Variants in IL1R1 observed in about 807,000 individuals in gnomAD.
IL1R1 encodes interleukin-1 receptor type 1.
Under a neutral mutation model 50.2 loss-of-function variants are expected in IL1R1, and 22 were observed. The ratio of observed to expected loss-of-function variants is 0.44; its 90% CI spans 0.31 to 0.63. The LOEUF is 0.63. Ranked by LOEUF, IL1R1 falls within the 20% of genes least tolerant of loss-of-function variation. IL1R1 has a pLI of 0.07. For missense variants in IL1R1, 509 were observed against 676.2 expected, an observed-to-expected ratio of 0.75 and a Z score of 2.74; for synonymous variants, 251 against 236.7, an observed-to-expected ratio of 1.06 and a Z score of -0.55.
intron 1 of IL1R1, among the ~76,000 whole-genome samples, chr2:102,071,878 C>T (rs1380154542): frequency 1.3e-5 from 2 of 152,212 alleles, no homozygotes; most frequent in African/African-American, 4.8e-5. Flanking sequence ...GGGCCATCTT[C>T]CGAGGAAGCA....
Position 102,179,289 on chromosome 2 carries a change from A to T in IL1R1, c.*2530A>T, listed in dbSNP as rs375930835. 6.6e-6 allele frequency: 1 copy of T among 152,490 alleles called. No individual in the cohort carries two copies. Among genetic ancestry groups the T allele is most frequent in the East Asian group, 1.9e-4 (1 of 5,318 alleles). 9.4% of individuals were successfully genotyped at this position (152,490 alleles called of 1,614,324 possible). On this transcript the variant is annotated 3_prime_UTR_variant, in exon 12 of 12. Coordinates refer to ENST00000410023, the MANE Select transcript of IL1R1 (RefSeq NM_000877.4). ...CAGAGAGTGGGGGTGATGATGACCA[A>T]GAATTACAAGTAGAATGGCAGCTGG... is the stretch of plus-strand genomic sequence containing the variant.
intron 1 of IL1R1, among the ~76,000 whole-genome samples, chr2:102,096,541 T>C (rs188367951): frequency 1.3e-5 from 2 of 152,118 alleles, no homozygotes; most frequent in Admixed American, 1.3e-4. Flanking sequence ...GTTTTTGTCT[T>C]TTTTTGCCTA....
At chr2:102,139,846 A>G (rs1159089528), upstream of IL1R1, among the ~76,000 whole-genome samples, 3 of 152,226 alleles carry the variant, frequency 2.0e-5, no homozygotes, top group East Asian at 3.8e-4. Flanking sequence ...CAGAACCATG[A>G]GAGAATTAAA....
chr2:102,141,203 T>C (rs1266028581), upstream of IL1R1, among the ~76,000 whole-genome samples: 1 of 152,196 alleles, frequency 6.6e-6, no homozygotes, highest in Non-Finnish European at 1.5e-5. Context: ...AGTAATGGCA[T>C]CACTGTGGGA....
At chr2:102,091,113 G>A (rs1328855758) in intron 1 of IL1R1, among the ~76,000 whole-genome samples, 1 of 152,160 alleles carries the variant, frequency 6.6e-6, no homozygotes, top group Non-Finnish European at 1.5e-5. Flanking sequence ...AAAATTGTGG[G>A]AGAACCAGAT....
chr2:102,143,793 C>T (rs1047491186), intron 1 of IL1R1, among the ~76,000 whole-genome samples: 1 of 152,228 alleles, frequency 6.6e-6, no homozygotes, highest in Non-Finnish European at 1.5e-5. Context: ...GATGCTGGCT[C>T]CTGCTGGGCT....
At chr2:102,159,291 A>G (rs139815559) in intron 3 of IL1R1, among the ~76,000 whole-genome samples, 12 of 152,348 alleles carry the variant, frequency 7.9e-5, no homozygotes, top group Admixed American at 3.9e-4. Context: ...TAAGAACTTT[A>G]AGGACTGAGC....
chr2:102,173,614 A>T (rs867592443), intron 9 of IL1R1, among the ~76,000 whole-genome samples: 9 of 152,224 alleles, frequency 5.9e-5, no homozygotes, highest in Admixed American at 1.3e-4. Context: ...AAATGGAAGG[A>T]TATACAATGT....
intron 1 of IL1R1, among the ~76,000 whole-genome samples, chr2:102,148,425 C>T (rs983352734): frequency 5.9e-5 from 9 of 152,266 alleles, no homozygotes; most frequent in East Asian, 1.9e-4. Context: ...CAGTGCCTCT[C>T]GGATTTTACC....
At chr2:102,122,371 C>G (rs564266322) in intron 1 of IL1R1, among the ~76,000 whole-genome samples, 14 of 152,268 alleles carry the variant, frequency 9.2e-5, no homozygotes, top group South Asian at 6.2e-4. Context: ...AACTTTTATA[C>G]TGAAGTCAGA....
At chr2:102,129,167 T>C (rs1297584688) in intron 1 of IL1R1, among the ~76,000 whole-genome samples, 1 of 152,032 alleles carries the variant, frequency 6.6e-6, no homozygotes, top group Non-Finnish European at 1.5e-5. Context: ...GCCAAGATGG[T>C]GCTACTGCAC....
At chr2:102,145,339 G>A (rs1408527573) in intron 1 of IL1R1, among the ~76,000 whole-genome samples, 1 of 152,178 alleles carries the variant, frequency 6.6e-6, no homozygotes, top group Non-Finnish European at 1.5e-5. Flanking sequence ...CTGGTTGTCT[G>A]CTGTGGGTCC....
At chr2:102,156,710 A>G (rs970635032) in intron 2 of IL1R1, among the ~76,000 whole-genome samples, 3 of 152,110 alleles carry the variant, frequency 2.0e-5, no homozygotes, top group Admixed American at 6.5e-5. Flanking sequence ...ATGGAGTTTC[A>G]TCATGTTGGC....
At chr2:102,122,277 C>T (rs1559473651) in intron 1 of IL1R1, among the ~76,000 whole-genome samples, 3 of 152,196 alleles carry the variant, frequency 2.0e-5, no homozygotes, top group South Asian at 4.1e-4. Flanking sequence ...TTGCATTCCA[C>T]GCCTCTGTCT....
intron 1 of IL1R1, among the ~76,000 whole-genome samples, chr2:102,133,979 A>G (rs947665544): frequency 5.3e-5 from 8 of 152,234 alleles, no homozygotes; most frequent in Non-Finnish European, 1.0e-4. Flanking sequence ...TAGACAACAT[A>G]GTGGTCTATG....
intron 1 of IL1R1, among the ~76,000 whole-genome samples, chr2:102,089,721 G>C (rs762973526): frequency 3.3e-5 from 5 of 151,856 alleles, no homozygotes; most frequent in Non-Finnish European, 5.9e-5. Flanking sequence ...GCAGTTGTAA[G>C]TCTTCCTCTG....
At chr2:102,144,623 T>C (rs907142943) in intron 1 of IL1R1, among the ~76,000 whole-genome samples, 2 of 152,180 alleles carry the variant, frequency 1.3e-5, no homozygotes, top group Admixed American at 1.3e-4. Flanking sequence ...CAGCGGTGAA[T>C]ACGACAAGTG....
At chr2:102,070,954 A>G (rs1024838241) in intron 1 of IL1R1, among the ~76,000 whole-genome samples, 2 of 152,166 alleles carry the variant, frequency 1.3e-5, no homozygotes. Flanking sequence ...ACTTCTAGAG[A>G]TTAAGACACA....
At chr2:102,157,571 A>G (rs920380016) in intron 2 of IL1R1, 148 bp from the exon 3 acceptor site, 18 of 648,782 alleles carry the variant, frequency 2.8e-5, no homozygotes, top group Admixed American at 2.6e-4. Flanking sequence ...AAATATGACA[A>G]CATTCATGAT....
Sources: gnomAD v4.1 joint callset for allele counts (sites outside exome capture counted in the v4.1 genomes callset) on GRCh38, gnomAD v4.1.1 for gene constraint, MANE v1.5 for transcripts, NCBI Gene and HGNC (gene_info 2026-07-23, HGNC 2026-07-21) for gene names.